The following SOX5 variants were observed in gnomAD, a reference collection of about 807,000 sequenced individuals.
SOX5 encodes transcription factor SOX-5.
A neutral mutation model predicts 92.0 loss-of-function variants in SOX5; 9 were observed. That is an observed-to-expected ratio of 0.10 (90% CI 0.06 to 0.17). SOX5 has a LOEUF of 0.17. SOX5 is among the 10% of genes least tolerant of loss of function. The pLI, the probability that SOX5 is intolerant of heterozygous loss-of-function variation, is 1.00. For missense variants in SOX5, 642 were observed against 944.5 expected, an observed-to-expected ratio of 0.68 and a Z score of 4.20; for synonymous variants, 344 against 336.3, an observed-to-expected ratio of 1.02 and a Z score of -0.25.
chr12:24,487,388 CATTAT>C (rs990770033), intron 1 of SOX5, among the ~76,000 whole-genome samples: 2 of 152,118 alleles, frequency 1.3e-5, no homozygotes, highest in Non-Finnish European at 2.9e-5. Flanking sequence ...AACTAAACTA[CATTAT>C]ATTTTCTAAA....
intron 3 of SOX5, among the ~76,000 whole-genome samples, chr12:23,816,477 C>T (rs1392832784): frequency 1.3e-5 from 2 of 151,990 alleles, no homozygotes; most frequent in Non-Finnish European, 2.9e-5. Flanking sequence ...GGATTACAGA[C>T]GTGAGCCACT....
chr12:24,159,658 T>C (rs1952549869), intron 4 of SOX5, among the ~76,000 whole-genome samples: 1 of 152,000 alleles, frequency 6.6e-6, no homozygotes, highest in Non-Finnish European at 1.5e-5. Flanking sequence ...AGATAGCATA[T>C]GATAAAACAA....
At chr12:23,962,106 T>TA (rs1465739466) in intron 4 of SOX5, among the ~76,000 whole-genome samples, 10 of 151,952 alleles carry the variant, frequency 6.6e-5, no homozygotes, top group East Asian at 5.8e-4. Context: ...CTGAAGTGTG[T>TA]AAAAAAAAGT....
At chr12:23,954,462 AG>A (rs772899048), upstream of SOX5, among the ~76,000 whole-genome samples, 66 of 150,774 alleles carry the variant, frequency 4.4e-4, no homozygotes, top group Middle Eastern at 3.4e-3. Flanking sequence ...TCAAAAAAAA[AG>A]AAAGAAAGAA....
At chr12:23,535,822 G>GT (rs1940291774) in intron 14 of SOX5, among the ~76,000 whole-genome samples, 1 of 152,128 alleles carries the variant, frequency 6.6e-6, no homozygotes, top group African/African-American at 2.4e-5. Context: ...TTTATTTTGG[G>GT]TTTTTGAGAG....
intron 1 of SOX5, among the ~76,000 whole-genome samples, chr12:24,439,491 A>G (rs1199213181): frequency 3.9e-5 from 6 of 152,030 alleles, no homozygotes; most frequent in African/African-American, 1.5e-4. Context: ...GCTCAATCTC[A>G]TTTCACTTTG....
intron 3 of SOX5, among the ~76,000 whole-genome samples, chr12:23,801,618 T>C (rs184014752): frequency 6.6e-6 from 1 of 152,276 alleles, no homozygotes; most frequent in Non-Finnish European, 1.5e-5. Context: ...AAAAATGTTC[T>C]TTTTAGCAAA....
At chr12:24,318,352 T>C (rs140801277) in intron 2 of SOX5, among the ~76,000 whole-genome samples, 1 of 152,214 alleles carries the variant, frequency 6.6e-6, no homozygotes, top group Non-Finnish European at 1.5e-5. Context: ...ATGCCTTTCC[T>C]GTCCTCTTAA....
chr12:24,048,338 A>G (rs1957242622), intron 4 of SOX5, among the ~76,000 whole-genome samples: 1 of 152,202 alleles, frequency 6.6e-6, no homozygotes, highest in African/African-American at 2.4e-5. Flanking sequence ...AGTAGGAATT[A>G]AAATGATGAA....
chr12:24,164,480 G>C lies in SOX5; in HGVS notation c.-2+48863C>G, dbSNP rs181083135. On this transcript the variant is annotated intron_variant, in intron 4 of 4. Transcript: ENST00000446891. ...TACCAAGGAGAAAAATAGTAATGTT[G>C]TCTATTTAACTGTATGCCCTGTGAA... Among the ~76,000 whole-genome samples, 68 of 152,064 alleles carry C rather than the reference G, an allele frequency of 4.5e-4. 1 individual carries two copies. The East Asian group carries it at 0.01, about 23-fold the overall frequency.
chr12:24,391,880 G>C (rs191465633), intron 1 of SOX5, among the ~76,000 whole-genome samples: 30 of 152,166 alleles, frequency 2.0e-4, no homozygotes, highest in Admixed American at 9.2e-4. Context: ...TACTCAACTT[G>C]AGTCTCTTGA....
At chr12:24,476,662 T>A (rs530452322) in intron 1 of SOX5, among the ~76,000 whole-genome samples, 1 of 152,006 alleles carries the variant, frequency 6.6e-6, no homozygotes, top group African/African-American at 2.4e-5. Flanking sequence ...TCTTCCAAGT[T>A]ACCACACTGC....
At chr12:24,220,811 T>C (rs1446292301) in intron 3 of SOX5, among the ~76,000 whole-genome samples, 3 of 152,206 alleles carry the variant, frequency 2.0e-5, no homozygotes, top group Non-Finnish European at 4.4e-5. Context: ...CAAACAGTAT[T>C]GAATAACCAA....
chr12:24,096,726 G>T (rs1945460113), intron 4 of SOX5, among the ~76,000 whole-genome samples: 1 of 152,006 alleles, frequency 6.6e-6, no homozygotes, highest in East Asian at 1.9e-4. Flanking sequence ...AGAAAATTTG[G>T]CTCACTTCTA....
intron 1 of SOX5, among the ~76,000 whole-genome samples, chr12:24,391,756 T>C (rs1434793040): frequency 6.6e-6 from 1 of 152,216 alleles, no homozygotes; most frequent in African/African-American, 2.4e-5. Flanking sequence ...GCTTTCTTTC[T>C]AAGTGGTCAG....
chr12:23,632,533 A>G (rs2078678875), intron 8 of SOX5, among the ~76,000 whole-genome samples: 1 of 152,234 alleles, frequency 6.6e-6, no homozygotes. Flanking sequence ...TTGGCCAAGC[A>G]TATAAAGCCA....
At chr12:23,614,749 C>A (rs961170717) in intron 8 of SOX5, among the ~76,000 whole-genome samples, 1 of 152,172 alleles carries the variant, frequency 6.6e-6, no homozygotes, top group Non-Finnish European at 1.5e-5. Flanking sequence ...TCTGAAGTGG[C>A]TGAACCATCT....
At chr12:23,886,048 C>A (rs1358911316) in intron 2 of SOX5, among the ~76,000 whole-genome samples, 1 of 152,058 alleles carries the variant, frequency 6.6e-6, no homozygotes, top group Admixed American at 6.6e-5. Flanking sequence ...AATGTACCAC[C>A]AATAGTGTCC....
Position 24,078,054 on chromosome 12 carries a change from AT to A in SOX5, c.-2+135288del, listed in dbSNP as rs199805742. Among the ~76,000 whole-genome samples, 843 of 152,078 alleles carry A rather than the reference AT, an allele frequency of 5.5e-3. 4 individuals are homozygous for A. The highest frequency in any genetic ancestry group is 0.02 in the East Asian group (103 of 5,170). On this transcript the variant is annotated intron_variant, in intron 4 of 4. Coordinates refer to the SOX5 transcript ENST00000446891. ...AAAAAGCATAACTTTTACCTTTATA[AT>A]ATGTACACAGATGAAATAACTTCCA...
Sources: allele counts gnomAD v4.1 joint callset (sites outside exome capture counted in the v4.1 genomes callset), GRCh38; gene constraint gnomAD v4.1.1; transcripts MANE v1.5; gene names NCBI Gene and HGNC (gene_info 2026-07-23, HGNC 2026-07-21).